The following CORIN variants were observed in gnomAD, a reference collection of about 807,000 sequenced individuals.
CORIN encodes the protein corin, serine peptidase.
In CORIN, 117 loss-of-function variants were observed where a neutral mutation model predicts 125.3. That is an observed-to-expected ratio of 0.93 (90% CI 0.80 to 1.09). The LOEUF (loss-of-function observed/expected upper bound fraction) is 1.09. CORIN is among the 50% of genes least tolerant of loss of function. The pLI, the probability that CORIN is intolerant of heterozygous loss-of-function variation, is 0.00. For missense variants in CORIN, 1,253 were observed against 1,306.7 expected (o/e 0.96, Z 0.63); for synonymous variants, 450 against 466.4 (o/e 0.96, Z 0.45).
chr4:47,820,759 T>C (rs1321822032), intron 1 of CORIN, among the ~76,000 whole-genome samples: 2 of 151,934 alleles, frequency 1.3e-5, no homozygotes, highest in African/African-American at 4.8e-5. Flanking sequence ...AGAAATAGAA[T>C]ATAGACAAGT....
chr4:47,779,292 G>A (rs1485531691), intron 3 of CORIN, among the ~76,000 whole-genome samples: 1 of 152,038 alleles, frequency 6.6e-6, no homozygotes, highest in Non-Finnish European at 1.5e-5. Context: ...CATCCTTAAC[G>A]GGTAAGAGAT....
At chr4:47,834,903 T>A (rs1244852432) in intron 1 of CORIN, among the ~76,000 whole-genome samples, 2 of 152,214 alleles carry the variant, frequency 1.3e-5, no homozygotes, top group African/African-American at 4.8e-5. Flanking sequence ...TAGTACCATC[T>A]ACATTTTCTG....
intron 1 of CORIN, among the ~76,000 whole-genome samples, chr4:47,815,736 G>C (rs1732237574): frequency 6.6e-6 from 1 of 152,070 alleles, no homozygotes. Context: ...TAAAACAATA[G>C]AGAATACGGG....
At chr4:47,628,023 G>A (rs1722649405) in intron 16 of CORIN, among the ~76,000 whole-genome samples, 2 of 152,132 alleles carry the variant, frequency 1.3e-5, no homozygotes, top group African/African-American at 2.4e-5. Flanking sequence ...TCATTCATTA[G>A]CTTCCAAGAG....
intron 4 of CORIN, among the ~76,000 whole-genome samples, chr4:47,760,030 A>G (rs1729373839): frequency 6.6e-6 from 1 of 152,202 alleles, no homozygotes; most frequent in African/African-American, 2.4e-5. Context: ...TCTTAATGGA[A>G]TCTAGAATGG....
At chr4:47,620,274 G>A (rs1236822898) in intron 19 of CORIN, among the ~76,000 whole-genome samples, 2 of 152,134 alleles carry the variant, frequency 1.3e-5, no homozygotes, top group Non-Finnish European at 2.9e-5. Flanking sequence ...AACATTTATT[G>A]CAGTATTGTT....
At chr4:47,807,703 A>G (rs898489325) in intron 1 of CORIN, among the ~76,000 whole-genome samples, 1 of 152,202 alleles carries the variant, frequency 6.6e-6, no homozygotes. Flanking sequence ...TCAAAGTGCA[A>G]CAACGACGGT....
chr4:47,682,777 A>G (rs542118391), intron 7 of CORIN: 1 of 152,356 alleles, frequency 6.6e-6, no homozygotes, highest in African/African-American at 2.4e-5. Flanking sequence ...TATTATCAGA[A>G]AAAAGCAATA....
rs1290955590 is a variant in CORIN at position 47,623,627 on chromosome 4, A to G, written c.2484T>C (p.Cys828=). The G allele has an allele frequency of 1.2e-6, 2 of 1,614,104 alleles. No homozygotes were observed. Among genetic ancestry groups the G allele is most frequent in the Non-Finnish European group, 1.7e-6 (2 of 1,180,026 alleles). The part of the protein sequence containing the change: ...SLQSEPSGHI[C]GCVLIAKKWV... ...ACTTCTTGGCAATGAGGACACAGCC[A>G]CAGATATGTCCACTGGGTTCACTCT... is the stretch of plus-strand genomic sequence containing the variant. The change falls in exon 19 of 22, where the codon TGT becomes TGC. Residue 828 remains cysteine (C), a synonymous_variant. Transcript: ENST00000273857.
intron 4 of CORIN, among the ~76,000 whole-genome samples, chr4:47,748,581 G>A (rs1430147201): frequency 6.6e-6 from 1 of 152,070 alleles, no homozygotes; most frequent in Non-Finnish European, 1.5e-5. Context: ...TAGGAAGGCT[G>A]TTATAAAATT....
chr4:47,654,013 A>G (rs567404118), intron 12 of CORIN, among the ~76,000 whole-genome samples: 1 of 152,296 alleles, frequency 6.6e-6, no homozygotes, highest in East Asian at 1.9e-4. Flanking sequence ...TCACATCCCC[A>G]TCTTTCCACC....
intron 9 of CORIN, among the ~76,000 whole-genome samples, chr4:47,675,315 T>C (rs1288782850): frequency 6.6e-6 from 1 of 152,202 alleles, no homozygotes; most frequent in African/African-American, 2.4e-5. Flanking sequence ...GTATAAATAA[T>C]AGTATGTGTG....
At chr4:47,766,315 T>C (rs1729736637) in intron 3 of CORIN, among the ~76,000 whole-genome samples, 1 of 152,166 alleles carries the variant, frequency 6.6e-6, no homozygotes, top group Non-Finnish European at 1.5e-5. Flanking sequence ...ACATAGGCTC[T>C]TTATGTAGCC....
chr4:47,791,072 T>C (rs924681433), intron 2 of CORIN, among the ~76,000 whole-genome samples: 2 of 152,182 alleles, frequency 1.3e-5, no homozygotes, highest in Admixed American at 1.3e-4. Flanking sequence ...GTGAATATTC[T>C]GCTTTACATA....
intron 2 of CORIN, among the ~76,000 whole-genome samples, chr4:47,803,557 C>T (rs1176055577): frequency 6.6e-6 from 1 of 152,126 alleles, no homozygotes. Context: ...ATTCACACAC[C>T]TACATAGACC....
chr4:47,794,887 T>C (rs536946088), intron 2 of CORIN, among the ~76,000 whole-genome samples: 50 of 152,262 alleles, frequency 3.3e-4, no homozygotes, highest in South Asian at 1.0e-3. Context: ...AGCTTTTTTT[T>C]CCGATGTTTT....
At chr4:47,663,007 G>A (rs1237880775) in intron 11 of CORIN, among the ~76,000 whole-genome samples, 1 of 152,126 alleles carries the variant, frequency 6.6e-6, no homozygotes, top group Non-Finnish European at 1.5e-5. Context: ...TAGTTTTGTT[G>A]CAGATTTATA....
At chr4:47,609,195 C>G (rs1374260320) in intron 19 of CORIN, among the ~76,000 whole-genome samples, 1 of 152,046 alleles carries the variant, frequency 6.6e-6, no homozygotes, top group African/African-American at 2.4e-5. Flanking sequence ...TTAGGAATCT[C>G]TTACTTTTAA....
At chr4:47,660,483 A>G (rs1225729499) in intron 12 of CORIN, among the ~76,000 whole-genome samples, 1 of 152,216 alleles carries the variant, frequency 6.6e-6, no homozygotes, top group Non-Finnish European at 1.5e-5. Flanking sequence ...CTATACAAAA[A>G]TAACTAATAA....
Sources: gnomAD v4.1 joint callset for allele counts (sites outside exome capture counted in the v4.1 genomes callset) on GRCh38, gnomAD v4.1.1 for gene constraint, MANE v1.5 for transcripts, NCBI Gene and HGNC (gene_info 2026-07-23, HGNC 2026-07-21) for gene names.